MSI2: variants seen among roughly 807,000 people sequenced by gnomAD.
MSI2 encodes RNA-binding protein Musashi homolog 2.
Under a neutral mutation model 45.6 loss-of-function variants are expected in MSI2, and 17 were observed. That is an observed-to-expected ratio of 0.37 (90% CI 0.26 to 0.56). The LOEUF (loss-of-function observed/expected upper bound fraction) is 0.56, where lower values mean the gene tolerates loss of function less well. MSI2 is among the 20% of genes least tolerant of loss of function. The probability of loss-of-function intolerance (pLI) is 0.77; values close to 1 mark genes in which losing one functional copy is unlikely to be tolerated. For synonymous variants in MSI2, 156 were observed against 158.2 expected, an observed-to-expected ratio of 0.99 and a Z score of 0.11; for missense variants, 293 against 444.2, an observed-to-expected ratio of 0.66 and a Z score of 3.06.
intron 5 of MSI2, among the ~76,000 whole-genome samples, chr17:57,304,766 T>C (rs1047380828): frequency 1.3e-5 from 2 of 152,104 alleles, no homozygotes; most frequent in Non-Finnish European, 2.9e-5. Flanking sequence ...CTCCCTGAGA[T>C]TCACTATTTG....
In MSI2 at chr17:57,563,743, C is replaced by T. The variant is rs765181804; in HGVS notation, c.455-33125C>T. ...TCTTTCCCTCTCACACACACACAGG[C>T]GCGCACACACACACACACACACACA... is the stretch of plus-strand genomic sequence containing the variant. On this transcript the variant is annotated intron_variant, in intron 7 of 13. Coordinates refer to ENST00000284073, the MANE Select transcript of MSI2 (RefSeq NM_138962.4). 4.5e-3 allele frequency among the ~76,000 whole-genome samples: 569 copies of T among 127,168 alleles called. 4 individuals carry two copies. Among genetic ancestry groups the T allele is most frequent in the African/African-American group, 7.7e-3 (206 of 26,894 alleles). 83.4% of individuals were successfully genotyped at this position (127,168 alleles called of 152,430 possible).
the MSI2 span, among the ~76,000 whole-genome samples, chr17:57,697,986 T>TC: frequency 6.6e-6 from 1 of 152,022 alleles, no homozygotes; most frequent in African/African-American, 2.4e-5. Flanking sequence ...CCTCACTGCC[T>TC]CCCACACTCA....
At chr17:57,607,693 AT>A (rs1906775332) in intron 8 of MSI2, among the ~76,000 whole-genome samples, 2 of 152,250 alleles carry the variant, frequency 1.3e-5, no homozygotes, top group South Asian at 4.1e-4. Flanking sequence ...TGGGTAATTT[AT>A]TTAAAAAAGA....
At chr17:57,488,448 G>A (rs2085798814) in intron 6 of MSI2, among the ~76,000 whole-genome samples, 1 of 152,148 alleles carries the variant, frequency 6.6e-6, no homozygotes, top group South Asian at 2.1e-4. Context: ...TTATGGACTA[G>A]ACTTGTTCTT....
At chr17:57,531,019 G>A (rs531452736) in intron 7 of MSI2, among the ~76,000 whole-genome samples, 8 of 152,110 alleles carry the variant, frequency 5.3e-5, no homozygotes, top group Non-Finnish European at 1.2e-4. Flanking sequence ...GAAAGGAGGG[G>A]CATGCAGGTG....
intron 5 of MSI2, among the ~76,000 whole-genome samples, chr17:57,275,313 A>G (rs1473801611): frequency 6.6e-6 from 1 of 152,222 alleles, no homozygotes; most frequent in East Asian, 1.9e-4. Context: ...TGGATGGTCC[A>G]AGAGGAGAGA....
rs367737337 is a variant in MSI2 at position 57,652,194 on chromosome 17, G to A, written c.790+33G>A. ...GGTGTATGGGACAGGCGACTCCCAGGCATGCCCCCAGTGTGCAGGGGGAGG... is the reference window on the plus strand; with the variant it reads ...GGTGTATGGGACAGGCGACTCCCAGACATGCCCCCAGTGTGCAGGGGGAGG... On this transcript the variant is annotated intron_variant, in intron 11 of 13. Transcript: ENST00000284073. The surrounding 1 kb of genome is among the most constrained non-coding windows in gnomAD (Gnocchi z 4.1). 6.0e-5 allele frequency: 96 copies of A among 1,605,894 alleles called. No homozygotes were observed. Among genetic ancestry groups the A allele is most frequent in the Non-Finnish European group, 8.1e-5 (95 of 1,173,014 alleles).
intron 5 of MSI2, among the ~76,000 whole-genome samples, chr17:57,292,883 A>G (rs1910542627): frequency 1.3e-5 from 2 of 152,134 alleles, no homozygotes; most frequent in Admixed American, 1.3e-4. Context: ...TCTCACAGGT[A>G]TGCCCCACTT....
At chr17:57,517,720 G>T (rs62058069) in intron 6 of MSI2, among the ~76,000 whole-genome samples, 10,291 of 152,206 alleles carry the variant, frequency 0.068, 545 homozygotes, top group African/African-American at 0.14. Flanking sequence ...TCAAAGGGCT[G>T]GTGGAGAGAA....
At chr17:57,501,441 A>G (rs979446431) in intron 6 of MSI2, among the ~76,000 whole-genome samples, 10 of 152,204 alleles carry the variant, frequency 6.6e-5, no homozygotes, top group Non-Finnish European at 1.5e-4. Context: ...GACCTGTCTC[A>G]CTCTTCATCC....
At chr17:57,359,501 C>T (rs1369722643) in intron 5 of MSI2, among the ~76,000 whole-genome samples, 1 of 152,090 alleles carries the variant, frequency 6.6e-6, no homozygotes, top group Non-Finnish European at 1.5e-5. Flanking sequence ...AATGGATGTC[C>T]CAGTACTGCC....
At chr17:57,273,444 C>T (rs933613310) in intron 5 of MSI2, among the ~76,000 whole-genome samples, 1 of 147,240 alleles carries the variant, frequency 6.8e-6, no homozygotes, top group African/African-American at 2.5e-5. Flanking sequence ...CATACACGTC[C>T]CATATTCTTG....
intron 6 of MSI2, among the ~76,000 whole-genome samples, chr17:57,471,707 C>T (rs903943572): frequency 3.3e-5 from 5 of 152,116 alleles, no homozygotes; most frequent in African/African-American, 1.2e-4. Flanking sequence ...TGTAAGCCCC[C>T]ACCCCGCCTG....
At chr17:57,408,328 A>C (rs1277621377) in intron 6 of MSI2, among the ~76,000 whole-genome samples, 1 of 152,244 alleles carries the variant, frequency 6.6e-6, no homozygotes, top group African/African-American at 2.4e-5. Context: ...GTGTTTTAAA[A>C]TATACAAATA....
At chr17:57,317,250 T>C (rs958583286) in intron 5 of MSI2, among the ~76,000 whole-genome samples, 1 of 152,202 alleles carries the variant, frequency 6.6e-6, no homozygotes, top group Non-Finnish European at 1.5e-5. Context: ...GCATGCTTAC[T>C]GTCTGTTGCC....
intron 5 of MSI2, among the ~76,000 whole-genome samples, chr17:57,379,481 CTTTTT>C (rs78899938): frequency 7.4e-6 from 1 of 134,796 alleles, no homozygotes; most frequent in African/African-American, 2.7e-5. Flanking sequence ...TTTCTTTCTT[CTTTTT>C]TTTTTTTTTT....
chr17:57,638,163 C>T (rs1909979470), intron 10 of MSI2, among the ~76,000 whole-genome samples: 1 of 152,186 alleles, frequency 6.6e-6, no homozygotes, highest in Admixed American at 6.5e-5. Flanking sequence ...AAGGACAAAG[C>T]AGAAGGCAAA....
Position 57,681,422 on chromosome 17 carries a change from A to G in MSI2, c.*1905A>G. On this transcript the variant is annotated 3_prime_UTR_variant, in exon 14 of 14. Transcript: ENST00000284073. ...TTTATAAATTTGGTACTTAAGGCACAGCCAGTATGAGACACTGAATGCGAC... is the reference window on the plus strand; with the variant it reads ...TTTATAAATTTGGTACTTAAGGCACGGCCAGTATGAGACACTGAATGCGAC... 1 of 179,440 alleles carries G rather than the reference A, an allele frequency of 5.6e-6. No homozygotes were observed. Among genetic ancestry groups the G allele is most frequent in the Non-Finnish European group, 1.2e-5 (1 of 83,676 alleles). 11.1% of individuals were successfully genotyped at this position (179,440 alleles called of 1,614,324 possible).
intron 6 of MSI2, among the ~76,000 whole-genome samples, chr17:57,490,646 G>A (rs1859707308): frequency 6.6e-6 from 1 of 152,198 alleles, no homozygotes; most frequent in African/African-American, 2.4e-5. Context: ...TGCCAAAGGA[G>A]AAATATTTGG....
Sources: allele counts gnomAD v4.1 joint callset (sites outside exome capture counted in the v4.1 genomes callset), GRCh38; gene constraint gnomAD v4.1.1; non-coding constraint Gnocchi (gnomAD v3.1); transcripts MANE v1.5; gene names NCBI Gene and HGNC (gene_info 2026-07-23, HGNC 2026-07-21).